Variants in PCDHGA1 observed in about 807,000 individuals in gnomAD.
The protein encoded by PCDHGA1 is protocadherin gamma subfamily A, 1.
A neutral mutation model predicts 58.0 loss-of-function variants in PCDHGA1; 32 were observed. That is an observed-to-expected ratio of 0.55 (90% CI 0.42 to 0.74). The LOEUF is 0.74. Among genes scored for constraint, PCDHGA1 ranks in the 30% least tolerant of loss-of-function variants. PCDHGA1 has a pLI of 0.00. For missense variants in PCDHGA1, 1,205 were observed against 1,182.3 expected (o/e 1.02, Z -0.28); for synonymous variants, 498 against 501.1 (o/e 0.99, Z 0.08).
chr5:141,508,800 C>A (rs973992018), intron 3 of PCDHGA1, among the ~76,000 whole-genome samples: 1 of 152,086 alleles, frequency 6.6e-6, no homozygotes, highest in African/African-American at 2.4e-5. Context: ...CTCTGGAATC[C>A]TGGCTCTTTG....
chr5:141,458,409 G>C (rs188300064), intron 1 of PCDHGA1, among the ~76,000 whole-genome samples: 1 of 152,244 alleles, frequency 6.6e-6, no homozygotes, highest in African/African-American at 2.4e-5. Context: ...GAGACGGAGC[G>C]GGGGTTCCAA....
intron 1 of PCDHGA1, chr5:141,394,481 T>G (rs766569646): frequency 6.2e-7 from 1 of 1,614,206 alleles, no homozygotes; most frequent in African/African-American, 1.3e-5. Flanking sequence ...TGGACCAGAA[T>G]GACAACGCGC....
chr5:141,409,279 T>C, intron 1 of PCDHGA1: 1 of 1,613,972 alleles, frequency 6.2e-7, no homozygotes, highest in Non-Finnish European at 8.5e-7. Context: ...TTTTGGAGAA[T>C]TCACCTCCAG....
chr5:141,422,263 C>T lies in PCDHGA1; in HGVS notation c.2422-72544C>T, dbSNP rs755271863. On this transcript the variant is annotated intron_variant, in intron 1 of 3. Transcript: ENST00000517417. ...TGTTGTGGATGTGAATGATAACGCT[C>T]CAGAAATAACTATCACCTCTTCTAT... is the stretch of plus-strand genomic sequence containing the variant. 1.0e-5 allele frequency: 16 copies of T among 1,563,686 alleles called. No individual in the cohort carries two copies. The South Asian group carries it at 1.7e-4, about 17-fold the overall frequency.
chr5:141,485,446 C>A lies in PCDHGA1; in HGVS notation c.2422-9361C>A. On this transcript the variant is annotated intron_variant, in intron 1 of 3. Transcript: ENST00000517417. This position sits in a 1 kb window ranked among gnomAD's most constrained non-coding sequence, Gnocchi z 5.7. ...CCCTGCTCATCAAGAACCCAATCGA[C>A]CGAGAGGCACTGTGTGGGCTCAGTG... is the stretch of plus-strand genomic sequence containing the variant. 6.2e-7 allele frequency: 1 copy of A among 1,614,156 alleles called. No individual in the cohort carries two copies. The highest frequency in any genetic ancestry group is 8.5e-7 in the Non-Finnish European group (1 of 1,180,018).
intron 1 of PCDHGA1, among the ~76,000 whole-genome samples, chr5:141,348,279 G>A (rs778473192): frequency 8.5e-5 from 13 of 152,326 alleles, no homozygotes; most frequent in Non-Finnish European, 1.3e-4. Flanking sequence ...TGTAAGCAGA[G>A]TAAGGTGTAT....
At chr5:141,503,335 G>A (rs111643076) in intron 2 of PCDHGA1, among the ~76,000 whole-genome samples, 108 of 152,220 alleles carry the variant, frequency 7.1e-4, no homozygotes, top group African/African-American at 2.4e-3. Context: ...GGTGGCTCAC[G>A]CCTGTAATTC....
chr5:141,359,246 A>C (rs1007985499), intron 1 of PCDHGA1, among the ~76,000 whole-genome samples: 10 of 152,156 alleles, frequency 6.6e-5, no homozygotes, highest in Non-Finnish European at 1.2e-4. Flanking sequence ...TAAAGTAATT[A>C]AGCCATAAAA....
At chr5:141,385,211 C>T (rs1781001155) in intron 1 of PCDHGA1, 1 of 1,614,082 alleles carries the variant, frequency 6.2e-7, no homozygotes, top group Admixed American at 1.7e-5. Flanking sequence ...CTGATCTTCC[C>T]CCAGCCCAAC....
intron 1 of PCDHGA1, chr5:141,366,152 C>G: frequency 1.2e-6 from 2 of 1,614,138 alleles, no homozygotes; most frequent in Non-Finnish European, 1.7e-6. Context: ...GTCCTACCGC[C>G]TGCTTAAGGC....
At chr5:141,463,460 T>TA (rs1554144871) in intron 1 of PCDHGA1, among the ~76,000 whole-genome samples, 2 of 136,122 alleles carry the variant, frequency 1.5e-5, no homozygotes, top group Non-Finnish European at 3.1e-5. Context: ...TTTTTTTTTT[T>TA]TTTTTTGAGA....
At chr5:141,400,015 G>T (rs747874428) in intron 1 of PCDHGA1, 6 of 1,612,768 alleles carry the variant, frequency 3.7e-6, no homozygotes, top group Non-Finnish European at 4.2e-6. Flanking sequence ...TGCCTTGGGC[G>T]ACAGGGACGC....
intron 1 of PCDHGA1, chr5:141,392,972 G>C (rs2092640426): frequency 6.2e-7 from 1 of 1,613,802 alleles, no homozygotes; most frequent in African/African-American, 1.3e-5. Context: ...AGGACCTGGG[G>C]CTGGACCCCC....
At chr5:141,364,463 GT>G (rs754642507) in intron 1 of PCDHGA1, 9 of 1,614,000 alleles carry the variant, frequency 5.6e-6, no homozygotes, top group Admixed American at 1.7e-5. Flanking sequence ...AGGCTCCTTC[GT>G]CGGCAACATA....
At chr5:141,374,607 AT>A in intron 1 of PCDHGA1, 5 of 1,613,660 alleles carry the variant, frequency 3.1e-6, no homozygotes, top group Non-Finnish European at 4.2e-6. Flanking sequence ...CTCAGTGGTA[AT>A]AGTCACTTCT....
intron 1 of PCDHGA1, among the ~76,000 whole-genome samples, chr5:141,336,718 T>C (rs754553971): frequency 3.3e-5 from 5 of 152,194 alleles, no homozygotes; most frequent in Admixed American, 6.5e-5. Context: ...CTTCATAACA[T>C]TGATTTTTGG....
At chr5:141,405,596 A>T (rs1024672340) in intron 1 of PCDHGA1, 2 of 578,622 alleles carry the variant, frequency 3.5e-6, no homozygotes, top group Admixed American at 6.3e-5. Flanking sequence ...AGGCCTCCCA[A>T]GTAGAATAAC....
In PCDHGA1 at chr5:141,340,226, A is replaced by G. The variant is rs757697109; in HGVS notation, c.2421+7121A>G. 6.2e-7 allele frequency: 1 copy of G among 1,614,118 alleles called. No individual in the cohort carries two copies. The highest frequency in any genetic ancestry group is 1.7e-5 in the Admixed American group (1 of 60,020). ...TGACAGGGAACAGTTTTCCTTTTAC[A>G]ACATCACTCTAACCGCTAAAGATGG... On this transcript the variant is annotated intron_variant, in intron 1 of 3. Coordinates refer to ENST00000517417, the MANE Select transcript of PCDHGA1 (RefSeq NM_018912.3).
chr5:141,499,122 A>G (rs971741957), intron 2 of PCDHGA1, among the ~76,000 whole-genome samples: 3 of 152,140 alleles, frequency 2.0e-5, no homozygotes, highest in African/African-American at 7.2e-5. Context: ...ATCCCTTCTC[A>G]GGTCATCCTT....
Sources: allele counts gnomAD v4.1 joint callset (sites outside exome capture counted in the v4.1 genomes callset), GRCh38; gene constraint gnomAD v4.1.1; non-coding constraint Gnocchi (gnomAD v3.1); transcripts MANE v1.5; gene names NCBI Gene and HGNC (gene_info 2026-07-23, HGNC 2026-07-21).